Variants in SCLT1 observed in about 807,000 individuals in gnomAD.
The protein encoded by SCLT1 is sodium channel and clathrin linker 1, also known as sodium channel-associated protein 1.
SCLT1 carries 78 observed loss-of-function variants against 112.8 expected under a neutral mutation model. The observed-to-expected ratio is 0.69, with a 90% confidence interval of 0.58 to 0.83. The LOEUF is 0.83. SCLT1 is among the 40% of genes least tolerant of loss of function. The probability of loss-of-function intolerance (pLI) is 0.00; values close to 1 mark genes in which losing one functional copy is unlikely to be tolerated. For missense variants in SCLT1, 747 were observed against 770.4 expected (o/e 0.97, Z 0.36); for synonymous variants, 257 against 254.7 (o/e 1.01, Z -0.09).
intron 10 of SCLT1, among the ~76,000 whole-genome samples, chr4:128,967,352 T>C (rs1370770014): frequency 3.3e-5 from 5 of 152,242 alleles, no homozygotes; most frequent in African/African-American, 1.2e-4. Flanking sequence ...GAATGATTTA[T>C]ACTACTTCGT....
At chr4:129,037,896 G>A (rs1747322379) in intron 5 of SCLT1, 1 of 152,138 alleles carries the variant, frequency 6.6e-6, no homozygotes, top group South Asian at 2.1e-4. Context: ...ACAATGGGAG[G>A]CTGAGGCGGG....
intron 11 of SCLT1, among the ~76,000 whole-genome samples, chr4:128,961,625 C>A (rs1193641296): frequency 6.6e-6 from 1 of 152,048 alleles, no homozygotes. Context: ...TTTATTTTCT[C>A]ATGTGTTTGG....
intron 9 of SCLT1, among the ~76,000 whole-genome samples, chr4:128,983,137 C>T (rs1741809762): frequency 6.6e-6 from 1 of 152,218 alleles, no homozygotes; most frequent in Admixed American, 6.5e-5. Context: ...ATCCGCCCGC[C>T]TCAGCCTCCC....
At chr4:128,886,131 T>C (rs757029494) in intron 20 of SCLT1, among the ~76,000 whole-genome samples, 1 of 152,230 alleles carries the variant, frequency 6.6e-6, no homozygotes, top group Non-Finnish European at 1.5e-5. Flanking sequence ...AGGTTTTGTG[T>C]TCTTGCATTG....
At chr4:128,879,895 A>G (rs966921115), downstream of SCLT1, among the ~76,000 whole-genome samples, 3 of 152,194 alleles carry the variant, frequency 2.0e-5, no homozygotes, top group African/African-American at 7.2e-5. Context: ...TTATGCTCTG[A>G]TAACTTTTTC....
intron 10 of SCLT1, among the ~76,000 whole-genome samples, chr4:128,966,258 C>T (rs1740181114): frequency 6.6e-6 from 1 of 152,058 alleles, no homozygotes; most frequent in South Asian, 2.1e-4. Flanking sequence ...CACCACCATG[C>T]CCAGCCTAAG....
intron 7 of SCLT1, 86 bp downstream of exon 7, chr4:128,999,584 TAG>T (rs1359220966): frequency 1.2e-6 from 1 of 830,188 alleles, no homozygotes; most frequent in Admixed American, 2.4e-5. Flanking sequence ...TGCTATAGGG[TAG>T]AGTCTTAAGC....
intron 10 of SCLT1, among the ~76,000 whole-genome samples, chr4:128,969,732 T>C (rs1209348715): frequency 1.3e-5 from 2 of 152,190 alleles, no homozygotes; most frequent in Non-Finnish European, 2.9e-5. Context: ...ACAATTCTTA[T>C]TTCTTTTACT....
chr4:129,003,906 T>C (rs770674075), intron 5 of SCLT1, 30 bp from the exon 6 acceptor site: 5 of 1,602,100 alleles, frequency 3.1e-6, no homozygotes, highest in Non-Finnish European at 4.3e-6. Flanking sequence ...CATGATAGCC[T>C]CAAGTCATTT....
intron 9 of SCLT1, among the ~76,000 whole-genome samples, chr4:128,973,469 A>G (rs1740873250): frequency 7.2e-6 from 1 of 138,834 alleles, no homozygotes; most frequent in Non-Finnish European, 1.5e-5. Flanking sequence ...GAGGGAGGAG[A>G]GGGAGAGGGA....
At chr4:128,994,430 G>A (rs1430145974) in intron 8 of SCLT1, among the ~76,000 whole-genome samples, 1 of 152,096 alleles carries the variant, frequency 6.6e-6, no homozygotes, top group East Asian at 1.9e-4. Context: ...GACATCTAAG[G>A]TTGTTTTCGT....
chr4:128,909,423 A>G (rs1734928596), intron 18 of SCLT1, among the ~76,000 whole-genome samples: 1 of 151,930 alleles, frequency 6.6e-6, no homozygotes, highest in South Asian at 2.1e-4. Context: ...AAACTTTCAT[A>G]ATTTCTGTAG....
chr4:128,945,222 G>A (rs552051829), intron 16 of SCLT1, among the ~76,000 whole-genome samples: 1 of 152,202 alleles, frequency 6.6e-6, no homozygotes, highest in Admixed American at 6.5e-5. Flanking sequence ...CCTCCCTTAA[G>A]AGACATATGG....
At chr4:129,082,127 T>C (rs1325876448) in intron 2 of SCLT1, among the ~76,000 whole-genome samples, 179 bp downstream of exon 2, 1 of 152,138 alleles carries the variant, frequency 6.6e-6, no homozygotes, top group African/African-American at 2.4e-5. Context: ...TCATATATAA[T>C]ATATAAGCTC....
chr4:129,090,773 G>C (rs17014099), intron 1 of SCLT1, among the ~76,000 whole-genome samples: 13,427 of 152,206 alleles, frequency 0.088, 763 homozygotes, highest in South Asian at 0.15. Flanking sequence ...AAAACTAACT[G>C]ATCTTTCCCA....
intron 2 of SCLT1, among the ~76,000 whole-genome samples, chr4:129,057,727 T>C (rs1482413422): frequency 1.3e-5 from 2 of 151,906 alleles, no homozygotes; most frequent in Admixed American, 6.6e-5. Flanking sequence ...AATAGTCCTA[T>C]TGATCCTTTG....
At chr4:128,970,351 C>T in intron 10 of SCLT1, 27 bp downstream of exon 10, 1 of 1,192,506 alleles carries the variant, frequency 8.4e-7, no homozygotes, top group Non-Finnish European at 1.3e-6. Flanking sequence ...GCAATAGGTA[C>T]CCATTTGTCT....
chr4:128,995,862 A>G (rs1302001945), intron 8 of SCLT1, among the ~76,000 whole-genome samples: 2 of 152,078 alleles, frequency 1.3e-5, no homozygotes, highest in Admixed American at 1.3e-4. Flanking sequence ...TCCCTAGGGG[A>G]AAGTTGAGAA....
intron 9 of SCLT1, among the ~76,000 whole-genome samples, chr4:128,990,801 A>G (rs1180847975): frequency 1.3e-5 from 2 of 148,738 alleles, no homozygotes; most frequent in Non-Finnish European, 3.0e-5. Flanking sequence ...GAACAGTCTG[A>G]AAAAAAAAAC....
Sources: gnomAD v4.1 joint callset for allele counts (sites outside exome capture counted in the v4.1 genomes callset) on GRCh38, gnomAD v4.1.1 for gene constraint, MANE v1.5 for transcripts, NCBI Gene and HGNC (gene_info 2026-07-23, HGNC 2026-07-21) for gene names.